PTPRU: variants seen among roughly 807,000 people sequenced by gnomAD.
PTPRU encodes protein tyrosine phosphatase receptor type U.
Under a neutral mutation model 166.3 loss-of-function variants are expected in PTPRU, and 69 were observed. That is an observed-to-expected ratio of 0.41 (90% confidence interval 0.34 to 0.51). The LOEUF is 0.51. Among genes scored for constraint, PTPRU ranks in the 20% least tolerant of loss-of-function variants. PTPRU has a pLI of 0.09. For missense variants in PTPRU, 1,657 were observed against 2,013.7 expected (o/e 0.82, Z 3.39); for synonymous variants, 793 against 814.0 (o/e 0.97, Z 0.44).
At chr1:29,305,119 G>A (rs1280774631) in intron 17 of PTPRU, among the ~76,000 whole-genome samples, 1 of 152,208 alleles carries the variant, frequency 6.6e-6, no homozygotes. Flanking sequence ...CTCAGAGCCA[G>A]TAATTGCCTG....
At chr1:29,323,008 TG>T (rs1688230715) in intron 26 of PTPRU, among the ~76,000 whole-genome samples, 1 of 31,276 alleles carries the variant, frequency 3.2e-5, no homozygotes, top group African/African-American at 1.3e-4. Context: ...GGGGAGGTTC[TG>T]GGGTGGGTGG....
At position 29,260,349 on chromosome 1, in the gene PTPRU, C is replaced by A. The variant is rs1684998657; in HGVS notation, c.851-261C>A. On this transcript the variant is annotated intron_variant, in intron 6 of 29. Transcript: ENST00000373779. The surrounding 1 kb of genome is among the most constrained non-coding windows in gnomAD (Gnocchi z 8.3). ...CTGGCCTGCGGTCCGCTCCAGGAGG[C>A]GAGGATGTGGGGGATTAGGAGGGGC... is the stretch of plus-strand genomic sequence containing the variant. 2.2e-6 allele frequency: 1 copy of A among 461,480 alleles called. No individual in the cohort carries two copies. The highest frequency in any genetic ancestry group is 5.2e-5 in the South Asian group (1 of 19,064). 28.6% of individuals were successfully genotyped at this position (461,480 alleles called of 1,614,324 possible).
chr1:29,272,059 A>G (rs1235149422), intron 7 of PTPRU, among the ~76,000 whole-genome samples: 1 of 152,210 alleles, frequency 6.6e-6, no homozygotes, highest in Non-Finnish European at 1.5e-5. Context: ...CCAGGACCAC[A>G]GCCAGAGAGT....
intron 15 of PTPRU, among the ~76,000 whole-genome samples, chr1:29,301,480 A>G (rs1410863371): frequency 6.6e-6 from 1 of 152,224 alleles, no homozygotes; most frequent in Non-Finnish European, 1.5e-5. Flanking sequence ...TTAATATACT[A>G]TTAATCATTA....
At position 29,310,748 on chromosome 1, in the gene PTPRU, AC is replaced by A. The variant is rs1373092912; in HGVS notation, c.2827del (p.His943ThrfsTer7). 1 of 1,613,774 alleles carries A rather than the reference AC, an allele frequency of 6.2e-7. No homozygotes were observed. Among genetic ancestry groups the A allele is most frequent in the Non-Finnish European group, 8.5e-7 (1 of 1,179,750 alleles). ...DYINANYIDG[Y>X]HRSNHFIATQ... ...TGCCCTCTCCTCCTGTTCCAGGGTT[AC>A]CACAGGTCAAACCACTTCATAGCCA... is the stretch of plus-strand genomic sequence containing the variant. On this transcript the variant is annotated frameshift_variant, in exon 19 of 30. Transcript: ENST00000373779. LOFTEE classifies it high-confidence loss of function.
At chr1:29,272,408 A>ATAAC (rs1685596883) in intron 7 of PTPRU, among the ~76,000 whole-genome samples, 1 of 152,176 alleles carries the variant, frequency 6.6e-6, no homozygotes, top group Admixed American at 6.5e-5. Context: ...GGCTCCATGT[A>ATAAC]TAACTGGAGA....
intron 2 of PTPRU, among the ~76,000 whole-genome samples, chr1:29,255,687 T>A (rs1186181949): frequency 6.6e-6 from 1 of 152,078 alleles, no homozygotes; most frequent in African/African-American, 2.4e-5. Context: ...TCCAAACCAC[T>A]CCCACTCTCA....
rs576914879 is a variant in PTPRU, at chr1:29,311,814, C to T, written c.3072+55C>T. The T allele has an allele frequency of 5.4e-6, 8 of 1,493,710 alleles. No individual in the cohort carries two copies. In the East Asian group the frequency reaches 1.4e-4, roughly 25 times the overall value. 92.5% of individuals were successfully genotyped at this position (1,493,710 alleles called of 1,614,324 possible). ...GAGGGTGCCTGAGCAGGGATTAGAG[C>T]CCACTCCCACTTCCCCCAGCCCTGG... On this transcript the variant is annotated intron_variant, in intron 21 of 29. Coordinates refer to ENST00000373779, the MANE Select transcript of PTPRU (RefSeq NM_133178.4). This position sits in a 1 kb window ranked among gnomAD's most constrained non-coding sequence, Gnocchi z 4.1.
chr1:29,323,890 C>T (rs1688282685), intron 28 of PTPRU, 102 bp downstream of exon 28: 2 of 1,372,364 alleles, frequency 1.5e-6, no homozygotes, highest in Non-Finnish European at 2.0e-6. Flanking sequence ...GCAAAGCTGG[C>T]ACCGAAACCC....
chr1:29,248,222 A>G (rs940432862), intron 1 of PTPRU, among the ~76,000 whole-genome samples: 1 of 152,084 alleles, frequency 6.6e-6, no homozygotes, highest in Admixed American at 6.6e-5. Context: ...GTTCAAATGC[A>G]TGAGACGTGG....
At chr1:29,303,827 G>A in intron 15 of PTPRU, 28 bp from the exon 16 acceptor site, 1 of 1,578,590 alleles carries the variant, frequency 6.3e-7, no homozygotes, top group Non-Finnish European at 8.7e-7. Context: ...TGTGTGTCAA[G>A]AACCCTTTTG....
chr1:29,255,139 C>T, intron 1 of PTPRU, 136 bp from the exon 2 acceptor site: 1 of 1,010,872 alleles, frequency 9.9e-7, no homozygotes, highest in Non-Finnish European at 1.4e-6. Context: ...AGGGAGGGAG[C>T]AGTGTGGGGA....
chr1:29,243,186 C>G (rs1005674710), intron 1 of PTPRU, among the ~76,000 whole-genome samples: 12 of 152,186 alleles, frequency 7.9e-5, no homozygotes, highest in African/African-American at 2.9e-4. Flanking sequence ...CATGAGCCCC[C>G]GGGCCCGGCC....
chr1:29,303,845 C>A lies in PTPRU; in HGVS notation c.2477-10C>A, dbSNP rs755977042. On this transcript the variant is annotated splice_polypyrimidine_tract_variant and intron_variant, in intron 15 of 29. Coordinates refer to ENST00000373779, the MANE Select transcript of PTPRU (RefSeq NM_133178.4). ...GTGTCAAGAACCCTTTTGTCTTTCTCTGACTGCAGGAGACCAGCGCAGCGG... is the reference window on the plus strand; with the variant it reads ...GTGTCAAGAACCCTTTTGTCTTTCTATGACTGCAGGAGACCAGCGCAGCGG... 2.1e-5 allele frequency: 33 copies of A among 1,594,750 alleles called. No individual in the cohort carries two copies. The highest frequency in any genetic ancestry group is 2.7e-5 in the African/African-American group (2 of 74,414).
At position 29,275,554 on chromosome 1, in the gene PTPRU, T is replaced by C; in HGVS notation, c.1251T>C (p.Tyr417=). Residue 417 remains tyrosine, a synonymous_variant, in exon 8 of 30, where the codon TAT becomes TAC. Transcript: ENST00000373779. ...LGYNVTRCHT[Y]TVSLCYHYTL... The stretch of plus-strand genomic sequence containing the variant: ...ACAACGTGACGCGTTGCCACACCTA[T>C]ACTGTGTCGCTGTGCTATCACTACA... The C allele has an allele frequency of 6.2e-7, 1 of 1,614,150 alleles. No homozygotes were observed. Among genetic ancestry groups the C allele is most frequent in the Non-Finnish European group, 8.5e-7 (1 of 1,180,010 alleles).
At position 29,325,238 on chromosome 1, in the gene PTPRU, T is replaced by C. The variant is rs1159633959; in HGVS notation, c.4160T>C (p.Leu1387Pro). 6.2e-7 allele frequency: 1 copy of C among 1,614,220 alleles called. No homozygotes were observed. The highest frequency in any genetic ancestry group is 2.2e-5 in the East Asian group (1 of 44,884). ...SGTFCACATV[L>P]EMIRCHNLVD... is the part of the protein sequence containing the mutation. ...ACCTTCTGCGCCTGCGCCACGGTCC[T>C]GGAGATGATCCGCTGCCACAACTTG... Residue 1387 changes from leucine (L) to proline (P), a missense_variant, in exon 29 of 30, where the codon CTG becomes CCG. By Grantham distance (98) the Leu-to-Pro change is moderately conservative. Transcript: ENST00000373779.
Position 29,259,462 on chromosome 1 carries a change from C to A in PTPRU, c.573C>A (p.His191Gln). Residue 191 changes from histidine to glutamine, a missense_variant, in exon 5 of 30, where the codon CAC becomes CAA. This residue lies in a region of PTPRU where 453 missense variants were observed against 496.9 expected (regional missense o/e 0.91). Coordinates refer to ENST00000373779, the MANE Select transcript of PTPRU (RefSeq NM_133178.4). ...CTAACCCCGCAGCAAAGGCCCCACA[C>A]TTCTCCCGCCTGGGCGACGTGGAGG... Reference protein sequence around the residue: ...LLSYPCAKAPHFSRLGDVEVN... With the variant: ...LLSYPCAKAPQFSRLGDVEVN... The A allele has an allele frequency of 6.2e-7, 1 of 1,611,704 alleles. No homozygotes were observed. Among genetic ancestry groups the A allele is most frequent in the Non-Finnish European group, 8.5e-7 (1 of 1,178,552 alleles).
intron 5 of PTPRU, 31 bp downstream of exon 5, chr1:29,259,595 C>CTGGGGGGGGG (rs2151945135): frequency 3.8e-6 from 1 of 265,626 alleles, no homozygotes. Context: ...TGGCTGGGGG[C>CTGGGGGGGGG]GGGGTGGGAG....
At position 29,238,272 on chromosome 1, in the gene PTPRU, T is replaced by A. The variant is rs923319642; in HGVS notation, c.73+1555T>A. On this transcript the variant is annotated intron_variant, in intron 1 of 29. Coordinates refer to ENST00000373779, the MANE Select transcript of PTPRU (RefSeq NM_133178.4). This position sits in a 1 kb window ranked among gnomAD's most constrained non-coding sequence, Gnocchi z 6.1. The stretch of plus-strand genomic sequence containing the variant: ...GGACGGTGTGTCGGATGTGTGTGCG[T>A]GCGCGTGTTCCACATCCCACCCTGA... Among the ~76,000 whole-genome samples, 22 of 152,066 alleles carry A rather than the reference T, an allele frequency of 1.4e-4. No individual in the cohort carries two copies. Among genetic ancestry groups the A allele is most frequent in the Non-Finnish European group, 2.6e-4 (18 of 67,984 alleles).
Sources: allele counts gnomAD v4.1 joint callset (sites outside exome capture counted in the v4.1 genomes callset), GRCh38; gene constraint gnomAD v4.1.1; regional missense constraint gnomAD v4.1.1; non-coding constraint Gnocchi (gnomAD v3.1); transcripts MANE v1.5; gene names NCBI Gene and HGNC (gene_info 2026-07-23, HGNC 2026-07-21).